DIP2C: variants seen among roughly 807,000 people sequenced by gnomAD.
DIP2C encodes the protein disco-interacting protein 2 homolog C.
In DIP2C, 33 loss-of-function variants were observed where a neutral mutation model predicts 192.4. The ratio of observed to expected loss-of-function variants is 0.17; its 90% CI spans 0.13 to 0.23. The LOEUF (loss-of-function observed/expected upper bound fraction) is 0.23, where lower values mean the gene tolerates loss of function less well. Ranked by LOEUF, DIP2C falls within the 10% of genes least tolerant of loss-of-function variation. The pLI is 1.00. For synonymous variants in DIP2C, 979 were observed against 864.1 expected (o/e 1.13, Z -2.33); for missense variants, 1,537 against 2,110.1 (o/e 0.73, Z 5.32).
chr10:548,203 G>GC (rs1259544852), intron 1 of DIP2C, among the ~76,000 whole-genome samples: 2,143 of 50,550 alleles, frequency 0.042, 9 homozygotes, highest in East Asian at 0.15. Context: ...ACACGAGTCT[G>GC]CCCCACCCCC....
At chr10:515,436 G>C (rs982301109) in intron 1 of DIP2C, among the ~76,000 whole-genome samples, 3 of 152,156 alleles carry the variant, frequency 2.0e-5, no homozygotes, top group Admixed American at 6.5e-5. Context: ...AAGATGTCAG[G>C]ATCGGGCCGG....
intron 3 of DIP2C, among the ~76,000 whole-genome samples, chr10:469,869 C>G (rs1454937731): frequency 6.6e-6 from 1 of 152,176 alleles, no homozygotes; most frequent in Non-Finnish European, 1.5e-5. Flanking sequence ...CCAAATGTGT[C>G]ACACTCCCTC....
At chr10:675,716 A>C (rs574127041) in intron 1 of DIP2C, among the ~76,000 whole-genome samples, 9 of 152,340 alleles carry the variant, frequency 5.9e-5, no homozygotes, top group African/African-American at 1.9e-4. Flanking sequence ...CCAAGACGGA[A>C]CCAAGAAGAA....
intron 7 of DIP2C, among the ~76,000 whole-genome samples, 167 bp downstream of exon 7, chr10:415,602 C>A (rs1965575492): frequency 6.6e-6 from 1 of 152,186 alleles, no homozygotes; most frequent in South Asian, 2.1e-4. Flanking sequence ...CCTGCCGACA[C>A]CAAGGCTGCC....
chr10:635,310 G>A (rs1564290370), intron 1 of DIP2C, among the ~76,000 whole-genome samples: 1 of 152,248 alleles, frequency 6.6e-6, no homozygotes, highest in Non-Finnish European at 1.5e-5. Flanking sequence ...GTCCATCAGC[G>A]TCTCCACATC....
intron 3 of DIP2C, among the ~76,000 whole-genome samples, chr10:447,305 C>A (rs1968322049): frequency 1.3e-5 from 2 of 148,168 alleles, no homozygotes; most frequent in Admixed American, 1.3e-4. Context: ...AGTGGGGCAG[C>A]AGGACCCACT....
chr10:277,602 CATT>C (rs1309532531), intron 36 of DIP2C, 25 bp from the exon 37 acceptor site: 5 of 1,611,146 alleles, frequency 3.1e-6, no homozygotes, highest in African/African-American at 1.3e-5. Context: ...AGAAAGCCAT[CATT>C]ATATGTTTAT....
At chr10:492,608 C>A (rs1844525420) in intron 1 of DIP2C, among the ~76,000 whole-genome samples, 1 of 152,224 alleles carries the variant, frequency 6.6e-6, no homozygotes, top group African/African-American at 2.4e-5. Context: ...CTGTCTCAAA[C>A]AACACACACA....
Position 275,241 on chromosome 10 carries a change from C to T in DIP2C, c.*2084G>A, listed in dbSNP as rs568901290. 6.6e-6 allele frequency: 1 copy of T among 152,358 alleles called. No individual in the cohort carries two copies. Among genetic ancestry groups the T allele is most frequent in the South Asian group, 2.1e-4 (1 of 4,822 alleles). The allele number at this position is 152,358 out of a possible 1,614,324, so 9.4% of individuals were successfully genotyped here. On this transcript the variant is annotated 3_prime_UTR_variant, in exon 37 of 37. Transcript: ENST00000280886. ...ATAGTCAGTGCCTGGCCTGAAGCCC[C>T]AAACCTACCTCCCTTTCAACAAGGT...
At chr10:566,202 T>C (rs1849458592) in intron 1 of DIP2C, among the ~76,000 whole-genome samples, 1 of 152,082 alleles carries the variant, frequency 6.6e-6, no homozygotes, top group Admixed American at 6.5e-5. Flanking sequence ...TAAACTGTAA[T>C]CGTAGTTACC....
At chr10:602,360 C>T (rs895342071) in intron 1 of DIP2C, among the ~76,000 whole-genome samples, 1 of 152,206 alleles carries the variant, frequency 6.6e-6, no homozygotes, top group East Asian at 1.9e-4. Flanking sequence ...ATGATACCAT[C>T]GCAGCCCTAA....
Position 277,495 on chromosome 10 carries a change from A to G in DIP2C, c.4501T>C (p.Leu1501=). 5.0e-6 allele frequency: 8 copies of G among 1,614,216 alleles called. 1 individual carries two copies. The South Asian group carries it at 8.8e-5, about 18-fold the overall frequency. The change falls in exon 37 of 37, where the codon TTG becomes CTG. Residue 1501 remains leucine, a synonymous_variant. Transcript: ENST00000280886. ...TCCTCCAGGACCACGTTGGTCACCA[A>G]GGGAACCAGGTCCAAGGCTTCTTGT... ...SEQEALDLVP[L]VTNVVLEEHY...
At chr10:490,528 A>T (rs1005046971) in intron 1 of DIP2C, among the ~76,000 whole-genome samples, 1 of 152,164 alleles carries the variant, frequency 6.6e-6, no homozygotes, top group African/African-American at 2.4e-5. Flanking sequence ...GCCCTCCGGG[A>T]GGCTGGGTCT....
intron 1 of DIP2C, among the ~76,000 whole-genome samples, chr10:564,237 G>T (rs180970129): frequency 8.1e-4 from 123 of 151,998 alleles, no homozygotes; most frequent in Non-Finnish European, 1.5e-3. Context: ...ACGTGGTTGA[G>T]GCAGCAGCGT....
At chr10:674,073 T>A (rs1830770389) in intron 1 of DIP2C, among the ~76,000 whole-genome samples, 1 of 152,240 alleles carries the variant, frequency 6.6e-6, no homozygotes, top group South Asian at 2.1e-4. Context: ...TTAATTTGTG[T>A]ACAAGTAACT....
At chr10:494,686 C>G (rs918435155) in intron 1 of DIP2C, among the ~76,000 whole-genome samples, 1 of 152,184 alleles carries the variant, frequency 6.6e-6, no homozygotes, top group Non-Finnish European at 1.5e-5. Context: ...TGAGCAGTCA[C>G]GCCACCTGTG....
At chr10:500,454 G>C (rs1214712728) in intron 1 of DIP2C, among the ~76,000 whole-genome samples, 1 of 152,198 alleles carries the variant, frequency 6.6e-6, no homozygotes, top group Admixed American at 6.5e-5. Flanking sequence ...CCTTGTTTGG[G>C]AACACTGTAC....
chr10:609,826 G>A (rs1158117352), intron 1 of DIP2C, among the ~76,000 whole-genome samples: 1 of 152,184 alleles, frequency 6.6e-6, no homozygotes, highest in Non-Finnish European at 1.5e-5. Flanking sequence ...GGGTCACTGG[G>A]ACCCCTGCTT....
intron 1 of DIP2C, among the ~76,000 whole-genome samples, chr10:631,430 G>C (rs775205358): frequency 3.9e-5 from 6 of 152,188 alleles, no homozygotes; most frequent in Non-Finnish European, 8.8e-5. Flanking sequence ...AAGAACATCC[G>C]TCCGCAGGGA....
Sources: gnomAD v4.1 joint callset for allele counts (sites outside exome capture counted in the v4.1 genomes callset) on GRCh38, gnomAD v4.1.1 for gene constraint, MANE v1.5 for transcripts, NCBI Gene and HGNC (gene_info 2026-07-23, HGNC 2026-07-21) for gene names.